PLEKHM3: variants seen among roughly 807,000 people sequenced by gnomAD.
The protein encoded by PLEKHM3 is pleckstrin homology domain containing M3.
Under a neutral mutation model 81.8 loss-of-function variants are expected in PLEKHM3, and 45 were observed. The ratio of observed to expected loss-of-function variants is 0.55; its 90% CI spans 0.43 to 0.71. The LOEUF (loss-of-function observed/expected upper bound fraction) is 0.71, where lower values mean the gene tolerates loss of function less well. Ranked by LOEUF, PLEKHM3 falls within the 30% of genes least tolerant of loss-of-function variation. The pLI, the probability that PLEKHM3 is intolerant of heterozygous loss-of-function variation, is 0.00. For missense variants in PLEKHM3, 788 were observed against 924.3 expected (o/e 0.85, Z 1.91); for synonymous variants, 352 against 356.4 (o/e 0.99, Z 0.14).
chr2:208,012,131 T>C (rs974167109), intron 1 of PLEKHM3, among the ~76,000 whole-genome samples: 1 of 151,794 alleles, frequency 6.6e-6, no homozygotes, highest in African/African-American at 2.4e-5. Flanking sequence ...AAACTCTGCC[T>C]CCCGGGTTCA....
intron 6 of PLEKHM3, among the ~76,000 whole-genome samples, chr2:207,872,865 G>T (rs1218074912): frequency 1.3e-5 from 2 of 152,078 alleles, no homozygotes; most frequent in Admixed American, 6.6e-5. Context: ...TAGGCTATTT[G>T]CCAAAACTAG....
intron 2 of PLEKHM3, 21 bp from the exon 3 acceptor site, chr2:207,977,607 A>T: frequency 6.4e-7 from 1 of 1,567,140 alleles, no homozygotes; most frequent in Non-Finnish European, 8.7e-7. Context: ...AAAGAGAGGC[A>T]AAGTATTGAT....
chr2:207,898,562 C>T (rs1025868309), intron 6 of PLEKHM3, among the ~76,000 whole-genome samples: 4 of 152,086 alleles, frequency 2.6e-5, no homozygotes, highest in Admixed American at 6.6e-5. Context: ...GAGATCAGCC[C>T]GGGCGACATG....
At chr2:207,857,775 T>C (rs971100558) in intron 7 of PLEKHM3, among the ~76,000 whole-genome samples, 5 of 152,106 alleles carry the variant, frequency 3.3e-5, no homozygotes, top group African/African-American at 1.2e-4. Context: ...GTTAACTTTG[T>C]TGATCTCTCA....
Position 207,942,898 on chromosome 2 carries a change from C to CA in PLEKHM3, c.1692+3468dup, listed in dbSNP as rs1460694739. Among the ~76,000 whole-genome samples the CA allele has an allele frequency of 1.7e-4, 26 of 151,402 alleles. 1 individual carries two copies. In the South Asian group the frequency reaches 4.6e-3, roughly 27 times the overall value. On this transcript the variant is annotated intron_variant, in intron 4 of 7. Coordinates refer to ENST00000427836, the MANE Select transcript of PLEKHM3 (RefSeq NM_001080475.3). ...CTGGCAACAGAGCAAGACTCCATCT[C>CA]AAAAAAAATAAAGAAATAAAGAAGG...
chr2:208,007,378 C>T (rs1460583976), intron 1 of PLEKHM3, among the ~76,000 whole-genome samples: 1 of 152,046 alleles, frequency 6.6e-6, no homozygotes, highest in Non-Finnish European at 1.5e-5. Context: ...TTCTGGACCA[C>T]GAGGCTACAT....
intron 1 of PLEKHM3, among the ~76,000 whole-genome samples, chr2:208,011,315 G>A (rs755555177): frequency 2.0e-5 from 3 of 152,108 alleles, no homozygotes; most frequent in Non-Finnish European, 4.4e-5. Flanking sequence ...ACAATTTGCA[G>A]CTGCGAAAAT....
chr2:207,900,498 A>C (rs1028958406), intron 6 of PLEKHM3: 2 of 152,256 alleles, frequency 1.3e-5, no homozygotes, highest in African/African-American at 2.4e-5. Context: ...TCAAAGTCAC[A>C]GTGTAAGAAA....
chr2:207,994,164 G>A (rs930383423), intron 2 of PLEKHM3, among the ~76,000 whole-genome samples: 5 of 152,138 alleles, frequency 3.3e-5, no homozygotes, highest in Admixed American at 1.3e-4. Flanking sequence ...ATAACCTTTC[G>A]GGTCCTAGTT....
chr2:207,988,597 C>T (rs982306291), intron 2 of PLEKHM3, among the ~76,000 whole-genome samples: 1 of 152,174 alleles, frequency 6.6e-6, no homozygotes, highest in Non-Finnish European at 1.5e-5. Context: ...TCTCTAGAAT[C>T]CATTCCTCTA....
At chr2:207,857,462 C>A (rs903001250) in intron 7 of PLEKHM3, among the ~76,000 whole-genome samples, 4 of 152,020 alleles carry the variant, frequency 2.6e-5, no homozygotes, top group Admixed American at 2.0e-4. Context: ...TTATTCCTTT[C>A]AATATTCCAT....
At chr2:207,923,296 T>C (rs1689248356) in intron 5 of PLEKHM3, among the ~76,000 whole-genome samples, 1 of 151,844 alleles carries the variant, frequency 6.6e-6, no homozygotes, top group African/African-American at 2.4e-5. Context: ...AGAAAAGTAT[T>C]AAAATGAAAA....
chr2:207,877,741 T>C (rs146563710), intron 6 of PLEKHM3, among the ~76,000 whole-genome samples: 3 of 152,328 alleles, frequency 2.0e-5, no homozygotes, highest in Admixed American at 2.0e-4. Flanking sequence ...TAAACATGTA[T>C]GTGAAGCTAC....
In PLEKHM3 at chr2:207,822,484, TAAAC is replaced by T. The variant is rs775764495; in HGVS notation, c.*5831_*5834del. 1.3e-5 allele frequency: 2 copies of T among 152,746 alleles called. No individual in the cohort carries two copies. The highest frequency in any genetic ancestry group is 2.9e-5 in the Non-Finnish European group (2 of 68,062). The allele number at this position is 152,746 out of a possible 1,614,324, so 9.5% of individuals were successfully genotyped here. A position where few individuals can be genotyped will look rare whatever the true frequency, so the allele number is the denominator to read the frequency against. On this transcript the variant is annotated 3_prime_UTR_variant, in exon 8 of 8. Transcript: ENST00000427836. ...TGGTTAATGAAAGCAAACAAACAAA[TAAAC>T]AAAAAGAGCGATTGAAGAACAGCAT...
rs1456271895 is a variant in PLEKHM3 at position 207,865,827 on chromosome 2, T to A, written c.1951-4565A>T. Among the ~76,000 whole-genome samples the A allele has an allele frequency of 2.3e-4, 25 of 111,018 alleles. 1 individual carries two copies. The highest frequency in any genetic ancestry group is 1.4e-3 in the East Asian group (5 of 3,698). The allele number at this position is 111,018 out of a possible 152,430, so 72.8% of individuals were successfully genotyped here. On this transcript the variant is annotated intron_variant, in intron 6 of 7. Transcript: ENST00000427836. Reference sequence around the variant, plus strand: ...AGATATATATATATATATATATATATATATATATATACTTTCTGTCTTTAT... The same window carrying A: ...AGATATATATATATATATATATATAAATATATATATACTTTCTGTCTTTAT...
intron 6 of PLEKHM3, among the ~76,000 whole-genome samples, chr2:207,901,498 C>T (rs1281648582): frequency 6.6e-6 from 1 of 152,232 alleles, no homozygotes; most frequent in Admixed American, 6.5e-5. Flanking sequence ...AGTCCTGGCA[C>T]CTAGCAGCAG....
intron 7 of PLEKHM3, among the ~76,000 whole-genome samples, chr2:207,835,478 T>G (rs917986163): frequency 6.6e-6 from 1 of 152,086 alleles, no homozygotes; most frequent in Admixed American, 6.5e-5. Flanking sequence ...TGTGCAGGAT[T>G]TGGGGGCCGG....
chr2:207,975,204 G>A (rs557923154), intron 3 of PLEKHM3, among the ~76,000 whole-genome samples: 90 of 152,286 alleles, frequency 5.9e-4, no homozygotes, highest in Middle Eastern at 6.8e-3. Flanking sequence ...CACAATCACT[G>A]AGGCCCTTGA....
chr2:207,841,482 T>A (rs890059294), intron 7 of PLEKHM3, among the ~76,000 whole-genome samples: 100 of 25,282 alleles, frequency 4.0e-3, no homozygotes, highest in African/African-American at 4.3e-3. Flanking sequence ...AAAAAAAAAA[T>A]ATATATATAT....
Sources: allele counts gnomAD v4.1 joint callset (sites outside exome capture counted in the v4.1 genomes callset), GRCh38; gene constraint gnomAD v4.1.1; transcripts MANE v1.5; gene names NCBI Gene and HGNC (gene_info 2026-07-23, HGNC 2026-07-21).